Variants in ZPBP2 observed in about 807,000 individuals in gnomAD.
The protein encoded by ZPBP2 is zona pellucida-binding protein 2.
Under a neutral mutation model 37.5 loss-of-function variants are expected in ZPBP2, and 34 were observed. That is an observed-to-expected ratio of 0.91 (90% CI 0.69 to 1.21). The LOEUF is 1.21. Ranked by LOEUF, ZPBP2 falls within the 50% of genes most tolerant of loss-of-function variation. ZPBP2 has a pLI of 0.00. For synonymous variants in ZPBP2, 143 were observed against 138.4 expected (o/e 1.03, Z -0.23); for missense variants, 397 against 413.5 (o/e 0.96, Z 0.35).
At chr17:39,870,472 A>G (rs1286683292) in intron 2 of ZPBP2, among the ~76,000 whole-genome samples, 1 of 152,194 alleles carries the variant, frequency 6.6e-6, no homozygotes, top group Non-Finnish European at 1.5e-5. Flanking sequence ...TGTAATATGG[A>G]AAAATATCAT....
At chr17:39,868,699 G>A in intron 2 of ZPBP2, 85 bp downstream of exon 2, 1 of 1,493,740 alleles carries the variant, frequency 6.7e-7, no homozygotes. Flanking sequence ...GGAGAGAAGG[G>A]GAACGAGCCA....
Position 39,875,269 on chromosome 17 carries a change from G to A in ZPBP2, c.724G>A (p.Glu242Lys). The change falls in exon 7 of 8, where the codon GAA becomes AAA. Residue 242 changes from glutamate (E) to lysine (K), a missense_variant. By Grantham distance (56) the Glu-to-Lys change is moderately conservative (BLOSUM62 1). Coordinates refer to ENST00000348931, the MANE Select transcript of ZPBP2 (RefSeq NM_199321.3). Reference protein sequence around the residue: ...HNILQARDRIEDFFRSQAYIF... With the variant: ...HNILQARDRIKDFFRSQAYIF... The stretch of plus-strand genomic sequence containing the variant: ...TCAACCTTAGGCAAGAGATCGAATA[G>A]AAGACTTTTTTCGGAGCCAAGCATA... 1 of 1,610,918 alleles carries A rather than the reference G, an allele frequency of 6.2e-7. No individual in the cohort carries two copies. Among genetic ancestry groups the A allele is most frequent in the African/African-American group, 1.3e-5 (1 of 74,784 alleles).
chr17:39,875,958 CAGT>C (rs2063388964), intron 7 of ZPBP2, among the ~76,000 whole-genome samples: 2 of 111,250 alleles, frequency 1.8e-5, no homozygotes, highest in South Asian at 6.3e-4. Context: ...GTGCAGTGTG[CAGT>C]GTGGCGCAGT....
rs2063385174 is a variant in ZPBP2 at position 39,875,454 on chromosome 17, A to T, written c.889+20A>T. The T allele has an allele frequency of 6.5e-7, 1 of 1,543,892 alleles. No homozygotes were observed. Among genetic ancestry groups the T allele is most frequent in the East Asian group, 2.3e-5 (1 of 43,400 alleles). Reference sequence around the variant, plus strand: ...GTTGTGGTAACTATAAAATATAAATATCTAAACATTTAGGTTATAGAGTCA... The same window carrying T: ...GTTGTGGTAACTATAAAATATAAATTTCTAAACATTTAGGTTATAGAGTCA... On this transcript the variant is annotated intron_variant, in intron 7 of 7. Coordinates refer to ENST00000348931, the MANE Select transcript of ZPBP2 (RefSeq NM_199321.3).
In ZPBP2 at chr17:39,873,038, C is replaced by G. The variant is rs747349020; in HGVS notation, c.626-6C>G. ...TTTGTGAGTCTATCATTTTTTTTCTCTTCAGTTAATCCTTTTGCGCCGGGG... is the reference window on the plus strand; with the variant it reads ...TTTGTGAGTCTATCATTTTTTTTCTGTTCAGTTAATCCTTTTGCGCCGGGG... On this transcript the variant is annotated splice_region_variant and splice_polypyrimidine_tract_variant and intron_variant, in intron 5 of 7. Transcript: ENST00000348931. The G allele has an allele frequency of 2.5e-6, 4 of 1,608,696 alleles. No homozygotes were observed. Among genetic ancestry groups the G allele is most frequent in the Non-Finnish European group, 3.4e-6 (4 of 1,177,854 alleles).
rs182166313 is a variant in ZPBP2 at position 39,877,252 on chromosome 17, T to G, written c.*443T>G. The G allele has an allele frequency of 6.5e-5, 10 of 154,430 alleles. No homozygotes were observed. The East Asian group carries it at 1.9e-3, about 29-fold the overall frequency. 9.6% of individuals were successfully genotyped at this position (154,430 alleles called of 1,614,324 possible). Reference sequence around the variant, plus strand: ...ATTTTGGTCCCTATGATTTTATTTTTTAAGATAAATTAATATACTGTATTT... The same window carrying G: ...ATTTTGGTCCCTATGATTTTATTTTGTAAGATAAATTAATATACTGTATTT... On this transcript the variant is annotated 3_prime_UTR_variant, in exon 8 of 8. Coordinates refer to ENST00000348931, the MANE Select transcript of ZPBP2 (RefSeq NM_199321.3).
chr17:39,870,842 C>A, intron 3 of ZPBP2, 23 bp downstream of exon 3: 1 of 1,461,188 alleles, frequency 6.8e-7, no homozygotes, highest in Non-Finnish European at 9.2e-7. Context: ...TTAATATGTA[C>A]TTTTTTAATG....
At chr17:39,875,830 C>T (rs2063387314) in intron 7 of ZPBP2, among the ~76,000 whole-genome samples, 1 of 149,458 alleles carries the variant, frequency 6.7e-6, no homozygotes, top group Admixed American at 6.7e-5. Context: ...GATCCGTCTG[C>T]CTTGGCTTCC....
At chr17:39,869,405 C>CCTTCTTTTTTTTT in intron 2 of ZPBP2, among the ~76,000 whole-genome samples, 1 of 115,136 alleles carries the variant, frequency 8.7e-6, no homozygotes, top group Non-Finnish European at 1.8e-5. Context: ...TTCCTTCCTT[C>CCTTCTTTTTTTTT]TTTTTTTTTT....
chr17:39,875,906 T>C (rs1431969683), intron 7 of ZPBP2, among the ~76,000 whole-genome samples: 1 of 113,126 alleles, frequency 8.8e-6, no homozygotes, highest in Non-Finnish European at 1.9e-5. Context: ...TTTTTTTTTT[T>C]TTTTTTTTGA....
intron 7 of ZPBP2, among the ~76,000 whole-genome samples, chr17:39,876,045 C>G (rs575086642): frequency 1.3e-5 from 2 of 151,780 alleles, no homozygotes; most frequent in South Asian, 4.2e-4. Context: ...GCCAGGATTA[C>G]AGGTGTGCAA....
intron 7 of ZPBP2, 26 bp downstream of exon 7, chr17:39,875,460 A>G (rs1220211814): frequency 6.5e-6 from 10 of 1,528,300 alleles, no homozygotes; most frequent in Non-Finnish European, 8.8e-6. Flanking sequence ...AAATATCTAA[A>G]CATTTAGGTT....
intron 3 of ZPBP2, among the ~76,000 whole-genome samples, 171 bp downstream of exon 3, chr17:39,870,990 G>A (rs575470294): frequency 2.6e-5 from 4 of 151,962 alleles, no homozygotes; most frequent in Non-Finnish European, 5.9e-5. Context: ...TTCTCCTTAT[G>A]CAAAAACTGA....
In ZPBP2 at chr17:39,876,847, A is replaced by T; in HGVS notation, c.*38A>T. ...TGTTACTTACTTGTGGAAGTCGGGG[A>T]CATAAGATGATTTTCACATCCCAGA... On this transcript the variant is annotated 3_prime_UTR_variant, in exon 8 of 8. Transcript: ENST00000348931. The T allele has an allele frequency of 6.2e-7, 1 of 1,610,050 alleles. No individual in the cohort carries two copies. Among genetic ancestry groups the T allele is most frequent in the Non-Finnish European group, 8.5e-7 (1 of 1,177,676 alleles).
At position 39,875,488 on chromosome 17, in the gene ZPBP2, T is replaced by C. The variant is rs1056974561; in HGVS notation, c.889+54T>C. 4.6e-6 allele frequency: 6 copies of C among 1,299,904 alleles called. No individual in the cohort carries two copies. The African/African-American group carries it at 7.5e-5, about 16-fold the overall frequency. The allele number at this position is 1,299,904 out of a possible 1,614,324, so 80.5% of individuals were successfully genotyped here. On this transcript the variant is annotated intron_variant, in intron 7 of 7. Coordinates refer to ENST00000348931, the MANE Select transcript of ZPBP2 (RefSeq NM_199321.3). The stretch of plus-strand genomic sequence containing the variant: ...TTTAGGTTATAGAGTCAGAAGAATA[T>C]ATAAGTAATTCACTTGGCATAACTG...
intron 6 of ZPBP2, among the ~76,000 whole-genome samples, chr17:39,874,898 A>G (rs1300677258): frequency 6.6e-6 from 1 of 152,024 alleles, no homozygotes; most frequent in Non-Finnish European, 1.5e-5. Flanking sequence ...CTACAGGCAC[A>G]TGCCACCACA....
chr17:39,873,981 C>CTTT lies in ZPBP2; in HGVS notation c.708+874_708+876dup, dbSNP rs1037217858. On this transcript the variant is annotated intron_variant, in intron 6 of 7. Coordinates refer to ENST00000348931, the MANE Select transcript of ZPBP2 (RefSeq NM_199321.3). Reference sequence around the variant, plus strand: ...TTTATAATGCTGATTAAAGAAAAGTCTTTTTTTTTTTTTTTTTTTTTGAGA... The same window carrying CTTT: ...TTTATAATGCTGATTAAAGAAAAGTCTTTTTTTTTTTTTTTTTTTTTTTTGAGA... Among the ~76,000 whole-genome samples, 100 of 117,332 alleles carry CTTT rather than the reference C, an allele frequency of 8.5e-4. 1 individual carries two copies. The highest frequency in any genetic ancestry group is 1.6e-3 in the African/African-American group (49 of 30,038). 77.0% of individuals were successfully genotyped at this position (117,332 alleles called of 152,430 possible). A position where few individuals can be genotyped will look rare whatever the true frequency, so the allele number is the denominator to read the frequency against.
chr17:39,868,620 A>G lies in ZPBP2; in HGVS notation c.118+6A>G. On this transcript the variant is annotated splice_donor_region_variant and intron_variant, in intron 2 of 7. Coordinates refer to ENST00000348931, the MANE Select transcript of ZPBP2 (RefSeq NM_199321.3). ...TGGCAAGACAGGACAGCCAGGTAAT[A>G]AGGGCCTCTGCACACGCGGGCCCAT... 1 of 1,614,008 alleles carries G rather than the reference A, an allele frequency of 6.2e-7. No homozygotes were observed. The highest frequency in any genetic ancestry group is 8.5e-7 in the Non-Finnish European group (1 of 1,179,868).
rs1437440075 is a variant in ZPBP2, at chr17:39,877,476, GATTC to G, written c.*671_*674del. ...AATTATAGCCCATAGTTCACATTAA[GATTC>G]ATTGTGTTGTAAGGTTATGTGGGTT... On this transcript the variant is annotated 3_prime_UTR_variant, in exon 8 of 8. Transcript: ENST00000348931. 6.6e-6 allele frequency: 1 copy of G among 152,142 alleles called. No individual in the cohort carries two copies. Among genetic ancestry groups the G allele is most frequent in the African/African-American group, 2.4e-5 (1 of 41,414 alleles). The allele number at this position is 152,142 out of a possible 1,614,324, so 9.4% of individuals were successfully genotyped here.
Sources: allele counts gnomAD v4.1 joint callset (sites outside exome capture counted in the v4.1 genomes callset), GRCh38; gene constraint gnomAD v4.1.1; transcripts MANE v1.5; gene names NCBI Gene and HGNC (gene_info 2026-07-23, HGNC 2026-07-21).